The following MAGEL2 variants were observed in gnomAD, a reference collection of about 807,000 sequenced individuals.
The protein encoded by MAGEL2 is MAGE family member L2.
For synonymous variants in MAGEL2, 792 were observed against 721.7 expected, an observed-to-expected ratio of 1.10 and a Z score of -1.56; for missense variants, 1,830 against 1,699.2, an observed-to-expected ratio of 1.08 and a Z score of -1.35.
rs1159497772 is a variant in MAGEL2 at position 23,645,919 on chromosome 15, C to G, written c.1824G>C (p.Glu608Asp). 4 of 1,572,634 alleles carry G rather than the reference C, an allele frequency of 2.5e-6. No homozygotes were observed. The East Asian group carries it at 9.3e-5, about 37-fold the overall frequency. ...HEIPTSMEFQ[E>D]VQQTQALAWQ... ...AGGCCAGCGCCTGTGTCTGCTGCAC[C>G]TCCTGGAATTCCATTGACGTTGGAA... Residue 608 changes from glutamate to aspartate, a missense_variant, in exon 1 of 1, where the codon GAG becomes GAC. By Grantham distance (45) the Glu-to-Asp change is conservative. Transcript: ENST00000650528.
chr15:23,647,245 C>T lies in MAGEL2; in HGVS notation c.498G>A (p.Gly166=), dbSNP rs1226752092. The stretch of plus-strand genomic sequence containing the variant: ...GAGGAGGAGGATGGGCCATCGGGGT[C>T]CCCGGAGGAGGAGGATGGGCCATTG... The part of the protein sequence containing the change: ...GTPMAHPPPP[G]TPMAHPPPPG... The change falls in exon 1 of 1, where the codon GGG becomes GGA. Residue 166 remains glycine, a synonymous_variant. Coordinates refer to ENST00000650528, the MANE Select transcript of MAGEL2 (RefSeq NM_019066.5). 5.9e-6 allele frequency: 9 copies of T among 1,525,470 alleles called. No individual in the cohort carries two copies. The Admixed American group carries it at 6.0e-5, about 10-fold the overall frequency. The allele number at this position is 1,525,470 out of a possible 1,614,324, so 94.5% of individuals were successfully genotyped here. A position where few individuals can be genotyped will look rare whatever the true frequency, so the allele number is the denominator to read the frequency against.
Position 23,643,930 on chromosome 15 carries a change from C to T in MAGEL2, c.*63G>A, listed in dbSNP as rs1340343468. 4.1e-6 allele frequency: 6 copies of T among 1,465,140 alleles called. No individual in the cohort carries two copies. The East Asian group carries it at 7.0e-5, about 17-fold the overall frequency. 90.8% of individuals were successfully genotyped at this position (1,465,140 alleles called of 1,614,324 possible). A position where few individuals can be genotyped will look rare whatever the true frequency, so the allele number is the denominator to read the frequency against. The stretch of plus-strand genomic sequence containing the variant: ...ACACAAACACCAGGAACAAAAATGT[C>T]CCCCCACCCTGTCAGTGGCCTCTGG... On this transcript the variant is annotated 3_prime_UTR_variant, in exon 1 of 1. Transcript: ENST00000650528.
In MAGEL2 at chr15:23,646,782, G is replaced by A. The variant is rs529951835; in HGVS notation, c.961C>T (p.Pro321Ser). ...PAAPPAQPMA[P>S]PAQPMASWAP... is the part of the protein sequence containing the mutation. Reference sequence around the variant, plus strand: ...CAAGAAGCCATCGGCTGTGCAGGTGGGGCCATCGGCTGTGCAGGTGGGGCC... The same window carrying A: ...CAAGAAGCCATCGGCTGTGCAGGTGAGGCCATCGGCTGTGCAGGTGGGGCC... The change falls in exon 1 of 1, where the codon CCA (proline) becomes TCA (serine). Residue 321 changes from proline to serine, a missense_variant. Transcript: ENST00000650528. This position sits in a 1 kb window ranked among gnomAD's most constrained non-coding sequence, Gnocchi z 4.2. 10 of 1,533,736 alleles carry A rather than the reference G, an allele frequency of 6.5e-6. No homozygotes were observed. The African/African-American group carries it at 1.3e-4, about 19-fold the overall frequency.
At position 23,645,561 on chromosome 15, in the gene MAGEL2, G is replaced by A. The variant is rs781530773; in HGVS notation, c.2182C>T (p.Arg728Cys). 2 of 1,612,532 alleles carry A rather than the reference G, an allele frequency of 1.2e-6. No homozygotes were observed. Among genetic ancestry groups the A allele is most frequent in the African/African-American group, 1.3e-5 (1 of 74,874 alleles). The change falls in exon 1 of 1, where the codon CGC becomes TGC. Residue 728 changes from arginine to cysteine, a missense_variant. Arg to Cys is a radical substitution (Grantham distance 180). Coordinates refer to ENST00000650528, the MANE Select transcript of MAGEL2 (RefSeq NM_019066.5). ...CTGCGCTCTTTAGAGGAGCCCCTGC[G>A]GTCTATAGAAGAGGCCCTGCATTCT... The part of the protein sequence containing the change: ...SGECRASSID[R>C]RGSSKERRTS...
Position 23,645,773 on chromosome 15 carries a change from T to C in MAGEL2, c.1970A>G (p.Lys657Arg). ...GGGGGGTAGCTGGATTTGCACGGCT[T>C]TTTGGGAGGGCGGGGCTCCCTGAAA... ...QPFQGAPPSQ[K>R]AVQIQLPPQQ... Residue 657 changes from lysine to arginine, a missense_variant, in exon 1 of 1, where the codon AAA becomes AGA. Lys to Arg is a conservative substitution (Grantham distance 26). Coordinates refer to ENST00000650528, the MANE Select transcript of MAGEL2 (RefSeq NM_019066.5). 6.3e-7 allele frequency: 1 copy of C among 1,585,092 alleles called. No individual in the cohort carries two copies. The highest frequency in any genetic ancestry group is 8.6e-7 in the Non-Finnish European group (1 of 1,167,348).
Position 23,646,347 on chromosome 15 carries a change from G to A in MAGEL2, c.1396C>T (p.Arg466Cys), listed in dbSNP as rs763190370. 2.9e-6 allele frequency: 4 copies of A among 1,376,364 alleles called. No individual in the cohort carries two copies. In the African/African-American group the frequency reaches 4.7e-5, roughly 16 times the overall value. 85.3% of individuals were successfully genotyped at this position (1,376,364 alleles called of 1,614,324 possible). A position where few individuals can be genotyped will look rare whatever the true frequency, so the allele number is the denominator to read the frequency against. The change falls in exon 1 of 1, where the codon CGC (arginine) becomes TGC (cysteine). Residue 466 changes from arginine to cysteine, a missense_variant. Transcript: ENST00000650528. This position sits in a 1 kb window ranked among gnomAD's most constrained non-coding sequence, Gnocchi z 4.2. ...PVIRQAPAVI[R>C]QAPPVIRQAP... ...TGGCGGATCACAGGTGGGGCCTGGC[G>A]GATCACAGCGGGGGCCTGGCGGATC...
rs752425576 is a variant in MAGEL2 at position 23,647,059 on chromosome 15, C to T, written c.684G>A (p.Pro228=). 7.8e-6 allele frequency: 12 copies of T among 1,536,012 alleles called. No homozygotes were observed. The highest frequency in any genetic ancestry group is 6.8e-5 in the African/African-American group (5 of 73,050). ...CTCCCGGAGCTGGAGGCTGGGCCATCGGTGTACCCGGAGGGGGAGGATGAG... is the reference window on the plus strand; with the variant it reads ...CTCCCGGAGCTGGAGGCTGGGCCATTGGTGTACCCGGAGGGGGAGGATGAG... The part of the protein sequence containing the change: ...PMAHPPPPGT[P]MAQPPAPGVL... The change falls in exon 1 of 1, where the codon CCG becomes CCA. Residue 228 remains proline (P), a synonymous_variant. Coordinates refer to ENST00000650528, the MANE Select transcript of MAGEL2 (RefSeq NM_019066.5).
At position 23,646,241 on chromosome 15, in the gene MAGEL2, C is replaced by T. The variant is rs1890399122; in HGVS notation, c.1502G>A (p.Arg501Gln). The change falls in exon 1 of 1, where the codon CGA becomes CAA. Residue 501 changes from arginine (R) to glutamine (Q), a missense_variant. Coordinates refer to ENST00000650528, the MANE Select transcript of MAGEL2 (RefSeq NM_019066.5). This position sits in a 1 kb window ranked among gnomAD's most constrained non-coding sequence, Gnocchi z 4.2. ...PLIRQAPPPI[R>Q]PAPQVLATQP... ...GGTGGCCAGGACCTGTGGGGCAGGT[C>T]GGATGGGCGGCGGCGCCTGGCGGAT... 1 of 1,357,118 alleles carries T rather than the reference C, an allele frequency of 7.4e-7. No homozygotes were observed. Among genetic ancestry groups the T allele is most frequent in the Non-Finnish European group, 9.4e-7 (1 of 1,064,574 alleles). 84.1% of individuals were successfully genotyped at this position (1,357,118 alleles called of 1,614,324 possible). A position where few individuals can be genotyped will look rare whatever the true frequency, so the allele number is the denominator to read the frequency against.
In MAGEL2 at chr15:23,645,683, T is replaced by A. The variant is rs1890383038; in HGVS notation, c.2060A>T (p.Gln687Leu). The A allele has an allele frequency of 6.4e-7, 1 of 1,560,050 alleles. No individual in the cohort carries two copies. Among genetic ancestry groups the A allele is most frequent in the Admixed American group, 1.9e-5 (1 of 51,920 alleles). ...GGCCTGCAAGACTGCAGGCGGTGCC[T>A]GCCAGGAAGGCTGGAGCGGCAGTGT... ...VPTLPLQPSW[Q>L]APPAVLQAQP... The change falls in exon 1 of 1, where the codon CAG becomes CTG. Residue 687 changes from glutamine (Q) to leucine (L), a missense_variant. Transcript: ENST00000650528.
Position 23,645,936 on chromosome 15 carries a change from A to G in MAGEL2, c.1807T>C (p.Ser603Pro). 6.4e-7 allele frequency: 1 copy of G among 1,566,686 alleles called. No homozygotes were observed. Among genetic ancestry groups the G allele is most frequent in the Non-Finnish European group, 8.6e-7 (1 of 1,156,660 alleles). Residue 603 changes from serine (S) to proline (P), a missense_variant, in exon 1 of 1, where the codon TCA (serine) becomes CCA (proline). Coordinates refer to ENST00000650528, the MANE Select transcript of MAGEL2 (RefSeq NM_019066.5). Reference protein sequence around the residue: ...QPPVPHEIPTSMEFQEVQQTQ... With the variant: ...QPPVPHEIPTPMEFQEVQQTQ... ...TGCTGCACCTCCTGGAATTCCATTG[A>G]CGTTGGAATCTCGTGTGGCACCGGG...
In MAGEL2 at chr15:23,644,862, G is replaced by T. The variant is rs752153357; in HGVS notation, c.2881C>A (p.Pro961Thr). Residue 961 changes from proline (P) to threonine (T), a missense_variant, in exon 1 of 1, where the codon CCC becomes ACC. Coordinates refer to ENST00000650528, the MANE Select transcript of MAGEL2 (RefSeq NM_019066.5). ...GCACTCAGGGCCCAGGATGCGCTGG[G>T]CCCTTCCCAGCCACTCAGGATCCTG... ...TSRILSGWEG[P>T]SASWALSAWE... 1 of 1,612,240 alleles carries T rather than the reference G, an allele frequency of 6.2e-7. No individual in the cohort carries two copies. Among genetic ancestry groups the T allele is most frequent in the Non-Finnish European group, 8.5e-7 (1 of 1,179,802 alleles).
In MAGEL2 at chr15:23,644,434, G is replaced by A. The variant is rs774788982; in HGVS notation, c.3309C>T (p.Ser1103=). 1.9e-6 allele frequency: 3 copies of A among 1,613,770 alleles called. No individual in the cohort carries two copies. Among genetic ancestry groups the A allele is most frequent in the South Asian group, 1.1e-5 (1 of 91,076 alleles). Residue 1103 remains serine (S), a synonymous_variant, in exon 1 of 1, where the codon TCC becomes TCT. Transcript: ENST00000650528. ...LGYHTGNLVA[S]YLDRPKFGLL... ...GGCCAAACTTGGGCCTGTCTAAATA[G>A]GATGCCACCAAATTCCCTGTATGGT...
At position 23,645,887 on chromosome 15, in the gene MAGEL2, G is replaced by C. The variant is rs775068804; in HGVS notation, c.1856C>G (p.Ala619Gly). The change falls in exon 1 of 1, where the codon GCC (alanine) becomes GGC (glycine). Residue 619 changes from alanine to glycine, a missense_variant. Transcript: ENST00000650528. ...CCAGATGTGAGTGGGGGCCTTCTGG[G>C]CCTGCCAGGCCAGCGCCTGTGTCTG... ...VQQTQALAWQ[A>G]QKAPTHIWQP... 3.8e-6 allele frequency: 6 copies of C among 1,574,448 alleles called. No homozygotes were observed. The highest frequency in any genetic ancestry group is 5.2e-6 in the Non-Finnish European group (6 of 1,160,294).
Position 23,645,242 on chromosome 15 carries a change from A to T in MAGEL2, c.2501T>A (p.Val834Asp). 6.2e-7 allele frequency: 1 copy of T among 1,613,852 alleles called. No individual in the cohort carries two copies. The highest frequency in any genetic ancestry group is 2.2e-5 in the East Asian group (1 of 44,852). The stretch of plus-strand genomic sequence containing the variant: ...CATATTGGGCTGTGGGACCCATGGA[A>T]CTGCAGGCAGGGCCTCTACACAGGC... ...PFACVEALPAVPWVPQPNMNA... is the reference protein window; with the variant it reads ...PFACVEALPADPWVPQPNMNA... Residue 834 changes from valine to aspartate, a missense_variant, in exon 1 of 1, where the codon GTT becomes GAT. Val to Asp is a radical substitution (Grantham distance 152, BLOSUM62 -3). Coordinates refer to ENST00000650528, the MANE Select transcript of MAGEL2 (RefSeq NM_019066.5).
Position 23,646,699 on chromosome 15 carries a change from A to T in MAGEL2, c.1044T>A (p.Pro348=), listed in dbSNP as rs1210754860. 6.5e-7 allele frequency: 1 copy of T among 1,527,362 alleles called. No individual in the cohort carries two copies. Among genetic ancestry groups the T allele is most frequent in the African/African-American group, 1.4e-5 (1 of 72,712 alleles). The allele number at this position is 1,527,362 out of a possible 1,614,324, so 94.6% of individuals were successfully genotyped here. A position where few individuals can be genotyped will look rare whatever the true frequency, so the allele number is the denominator to read the frequency against. The change falls in exon 1 of 1, where the codon CCT becomes CCA. Residue 348 remains proline, a synonymous_variant. Coordinates refer to ENST00000650528, the MANE Select transcript of MAGEL2 (RefSeq NM_019066.5). The surrounding 1 kb of genome is among the most constrained non-coding windows in gnomAD (Gnocchi z 4.2). ...LQIQSQVIRA[P]PQVPQGPQAP... ...CCTGCGGGCCCTGGGGAACCTGCGG[A>T]GGAGCCCTTATAACTTGAGACTGGA...
chr15:23,647,187 C>G lies in MAGEL2; in HGVS notation c.556G>C (p.Gly186Arg), dbSNP rs1212660902. The change falls in exon 1 of 1, where the codon GGG becomes CGG. Residue 186 changes from glycine to arginine, a missense_variant. By Grantham distance (125) the Gly-to-Arg change is moderately radical. Transcript: ENST00000650528. ...GTPMVHPPPP[G>R]TPMAHPPPPG... is the part of the protein sequence containing the mutation. Reference sequence around the variant, plus strand: ...GGGGGAGGATGAGCCATCGGGGTCCCCGGAGGAGGAGGATGCACCATCGGG... The same window carrying G: ...GGGGGAGGATGAGCCATCGGGGTCCGCGGAGGAGGAGGATGCACCATCGGG... 1 of 1,522,306 alleles carries G rather than the reference C, an allele frequency of 6.6e-7. No homozygotes were observed. Among genetic ancestry groups the G allele is most frequent in the African/African-American group, 1.4e-5 (1 of 72,870 alleles). 94.3% of individuals were successfully genotyped at this position (1,522,306 alleles called of 1,614,324 possible).
In MAGEL2 at chr15:23,643,991, T is replaced by C. The variant is rs778020558; in HGVS notation, c.*2A>G. Reference sequence around the variant, plus strand: ...ACAGGAGCGAGATCTCTGCTACACCTATTAGCGGGGAGGGGGCCTGCTGGT... The same window carrying C: ...ACAGGAGCGAGATCTCTGCTACACCCATTAGCGGGGAGGGGGCCTGCTGGT... On this transcript the variant is annotated 3_prime_UTR_variant, in exon 1 of 1. Transcript: ENST00000650528. The C allele has an allele frequency of 6.3e-7, 1 of 1,587,532 alleles. No homozygotes were observed. The highest frequency in any genetic ancestry group is 1.7e-5 in the Admixed American group (1 of 57,974).
chr15:23,644,730 C>A lies in MAGEL2; in HGVS notation c.3013G>T (p.Ala1005Ser). Reference sequence around the variant, plus strand: ...TCCACCTTGGAATTATCCTGGGTGGCACTGGATCCCGGAGAGACACTTGCG... The same window carrying A: ...TCCACCTTGGAATTATCCTGGGTGGAACTGGATCCCGGAGAGACACTTGCG... ...EVASVSPGSS[A>S]TQDNSKVEAQ... Residue 1005 changes from alanine (A) to serine (S), a missense_variant, in exon 1 of 1, where the codon GCC becomes TCC. Coordinates refer to ENST00000650528, the MANE Select transcript of MAGEL2 (RefSeq NM_019066.5). 6.2e-7 allele frequency: 1 copy of A among 1,613,834 alleles called. No homozygotes were observed. The highest frequency in any genetic ancestry group is 8.5e-7 in the Non-Finnish European group (1 of 1,179,886).
chr15:23,646,314 G>C lies in MAGEL2; in HGVS notation c.1429C>G (p.Pro477Ala). 1 of 1,376,388 alleles carries C rather than the reference G, an allele frequency of 7.3e-7. No homozygotes were observed. The highest frequency in any genetic ancestry group is 9.3e-7 in the Non-Finnish European group (1 of 1,076,536). The allele number at this position is 1,376,388 out of a possible 1,614,324, so 85.3% of individuals were successfully genotyped here. Residue 477 changes from proline to alanine, a missense_variant, in exon 1 of 1, where the codon CCT (proline) becomes GCT (alanine). Transcript: ENST00000650528. This position sits in a 1 kb window ranked among gnomAD's most constrained non-coding sequence, Gnocchi z 4.2. ...QAPPVIRQAP[P>A]VIRQAPPVIR... ...ACAGGTGGAGCCTGGCGGATCACAG[G>C]TGGGGCCTGGCGGATCACAGGTGGG... is the stretch of plus-strand genomic sequence containing the variant.
Sources: gnomAD v4.1 joint callset for allele counts on GRCh38, gnomAD v4.1.1 for gene constraint, Gnocchi (gnomAD v3.1) non-coding constraint, MANE v1.5 for transcripts, NCBI Gene and HGNC (gene_info 2026-07-23, HGNC 2026-07-21) for gene names.